Variants in AGMO observed in about 807,000 individuals in gnomAD.
The protein encoded by AGMO is alkylglycerol monooxygenase.
In AGMO, 75 loss-of-function variants were observed where a neutral mutation model predicts 60.2. The ratio of observed to expected loss-of-function variants is 1.25; its 90% CI spans 1.03 to 1.51. AGMO has a LOEUF of 1.51. Ranked by LOEUF, AGMO falls within the 40% of genes most tolerant of loss-of-function variation. AGMO has a pLI of 0.00. For synonymous variants in AGMO, 261 were observed against 177.1 expected, an observed-to-expected ratio of 1.47 and a Z score of -3.76; for missense variants, 763 against 525.5, an observed-to-expected ratio of 1.45 and a Z score of -4.42.
At chr7:15,381,952 G>T (rs1204987171) in intron 10 of AGMO, among the ~76,000 whole-genome samples, 1 of 152,014 alleles carries the variant, frequency 6.6e-6, no homozygotes, top group Non-Finnish European at 1.5e-5. Context: ...GTTCTCACTT[G>T]TAAGTGGGAG....
intron 12 of AGMO, among the ~76,000 whole-genome samples, chr7:15,244,600 C>A (rs1185028945): frequency 6.6e-6 from 1 of 152,050 alleles, no homozygotes; most frequent in Non-Finnish European, 1.5e-5. Context: ...TCTTTTCTGA[C>A]TTAATCAAAG....
chr7:15,137,156 C>G, the AGMO span, among the ~76,000 whole-genome samples: 3 of 152,178 alleles, frequency 2.0e-5, no homozygotes, highest in Non-Finnish European at 4.4e-5. Flanking sequence ...CCTTCTTCTA[C>G]AGCCTTCAAG....
the AGMO span, among the ~76,000 whole-genome samples, chr7:15,183,699 G>A: frequency 1.3e-5 from 2 of 152,190 alleles, no homozygotes; most frequent in Non-Finnish European, 2.9e-5. Flanking sequence ...GTCAATGTGA[G>A]GATTCAATGA....
At chr7:15,382,193 C>G (rs1429080037) in intron 10 of AGMO, among the ~76,000 whole-genome samples, 1 of 152,108 alleles carries the variant, frequency 6.6e-6, no homozygotes, top group Non-Finnish European at 1.5e-5. Context: ...ATTAAGATGG[C>G]TTTTCTCAAT....
chr7:15,302,325 T>C (rs1780469553), intron 12 of AGMO, among the ~76,000 whole-genome samples: 1 of 152,162 alleles, frequency 6.6e-6, no homozygotes, highest in Admixed American at 6.5e-5. Context: ...ATTCTTCTTC[T>C]AACCAAAAAT....
At chr7:15,393,642 G>A (rs941527246) in intron 6 of AGMO, among the ~76,000 whole-genome samples, 1 of 152,146 alleles carries the variant, frequency 6.6e-6, no homozygotes, top group Non-Finnish European at 1.5e-5. Context: ...TCAGGGAAAC[G>A]CAGCTTATAC....
rs536843305 is a variant in AGMO at position 15,474,344 on chromosome 7, A to T, written c.410-43236T>A. On this transcript the variant is annotated intron_variant, in intron 3 of 12. Coordinates refer to ENST00000342526, the MANE Select transcript of AGMO (RefSeq NM_001004320.2). ...ACCAAAACAGCTTGGTACTGGTACC[A>T]AAACAGAGATATAGACCAATGGAAC... Among the ~76,000 whole-genome samples, 157 of 152,306 alleles carry T rather than the reference A, an allele frequency of 1.0e-3. 1 individual carries two copies. The highest frequency in any genetic ancestry group is 3.7e-3 in the African/African-American group (153 of 41,566).
At chr7:15,512,999 C>T (rs1206937230) in intron 3 of AGMO, among the ~76,000 whole-genome samples, 1 of 152,170 alleles carries the variant, frequency 6.6e-6, no homozygotes, top group African/African-American at 2.4e-5. Context: ...TTGCATGTCA[C>T]TTAAAATTGT....
chr7:15,228,860 A>G (rs528591974), intron 12 of AGMO, among the ~76,000 whole-genome samples: 1 of 152,274 alleles, frequency 6.6e-6, no homozygotes, highest in African/African-American at 2.4e-5. Context: ...AGGGACAAGA[A>G]TAAGTAAAAG....
At chr7:15,176,993 A>G in the AGMO span, among the ~76,000 whole-genome samples, 1 of 152,090 alleles carries the variant, frequency 6.6e-6, no homozygotes, top group Non-Finnish European at 1.5e-5. Flanking sequence ...TTTCACAACT[A>G]GATGTCTCAT....
At chr7:15,446,990 C>T (rs1192587281) in intron 3 of AGMO, among the ~76,000 whole-genome samples, 2 of 152,158 alleles carry the variant, frequency 1.3e-5, no homozygotes, top group African/African-American at 4.8e-5. Context: ...ATGACATCTT[C>T]CCCACAATGC....
At chr7:15,277,636 G>A (rs1354036664) in intron 12 of AGMO, among the ~76,000 whole-genome samples, 1 of 152,040 alleles carries the variant, frequency 6.6e-6, no homozygotes, top group African/African-American at 2.4e-5. Context: ...GTGCACTTCT[G>A]TCAGCAGGTT....
the AGMO span, among the ~76,000 whole-genome samples, chr7:15,177,107 A>T: frequency 7.8e-6 from 1 of 128,912 alleles, no homozygotes; most frequent in African/African-American, 2.6e-5. Context: ...GGGAGGAAAA[A>T]ACATGATTTA....
chr7:15,354,986 G>A (rs552402709), intron 12 of AGMO, among the ~76,000 whole-genome samples: 1 of 152,092 alleles, frequency 6.6e-6, no homozygotes, highest in African/African-American at 2.4e-5. Context: ...CTTATACATG[G>A]CTAATGAACA....
the AGMO span, among the ~76,000 whole-genome samples, chr7:15,147,269 C>A: frequency 1.6e-4 from 24 of 152,104 alleles, no homozygotes; most frequent in Admixed American, 1.5e-3. Flanking sequence ...CTAATAAAGA[C>A]ATATCCGAGA....
At chr7:15,142,935 C>G in the AGMO span, among the ~76,000 whole-genome samples, 1 of 152,140 alleles carries the variant, frequency 6.6e-6, no homozygotes, top group East Asian at 1.9e-4. Flanking sequence ...GTACTATTAT[C>G]TCCATATTAC....
the AGMO span, among the ~76,000 whole-genome samples, chr7:15,144,213 G>A: frequency 4.1e-4 from 63 of 152,046 alleles, no homozygotes; most frequent in Middle Eastern, 3.4e-3. Context: ...GCTAACATTG[G>A]TGTTATTAGG....
chr7:15,321,450 A>G (rs1329053397), intron 12 of AGMO, among the ~76,000 whole-genome samples: 2 of 152,156 alleles, frequency 1.3e-5, no homozygotes, highest in Admixed American at 1.3e-4. Context: ...GTACATCGTC[A>G]CCTTCAAATA....
At chr7:15,302,330 A>G (rs374660894) in intron 12 of AGMO, among the ~76,000 whole-genome samples, 1 of 152,318 alleles carries the variant, frequency 6.6e-6, no homozygotes. Context: ...TCTTCTAACC[A>G]AAAATTAGAC....
Sources: allele counts gnomAD v4.1 joint callset (sites outside exome capture counted in the v4.1 genomes callset), GRCh38; gene constraint gnomAD v4.1.1; transcripts MANE v1.5; gene names NCBI Gene and HGNC (gene_info 2026-07-23, HGNC 2026-07-21).